Variants in ZNF517 observed in about 807,000 individuals in gnomAD.
ZNF517 encodes zinc finger protein 517.
In ZNF517, 12 loss-of-function variants were observed where a neutral mutation model predicts 12.1. The ratio of observed to expected loss-of-function variants is 0.99; its 90% CI spans 0.63 to 1.61. The LOEUF is 1.61. Ranked by LOEUF, ZNF517 falls within the 40% of genes most tolerant of loss-of-function variation. The pLI is 0.00. For synonymous variants in ZNF517, 388 were observed against 310.2 expected (o/e 1.25, Z -2.63); for missense variants, 781 against 693.2 (o/e 1.13, Z -1.42).
At chr8:144,802,787 C>A in intron 1 of ZNF517, 83 bp from the exon 2 acceptor site, 1 of 1,579,292 alleles carries the variant, frequency 6.3e-7, no homozygotes, top group Non-Finnish European at 8.6e-7. Context: ...CTCCTGCTCC[C>A]TTCTGGATCT....
At chr8:144,803,618 G>T (rs1241600264) in intron 2 of ZNF517, 23 bp from the exon 3 acceptor site, 2 of 1,613,620 alleles carry the variant, frequency 1.2e-6, no homozygotes, top group Non-Finnish European at 1.7e-6. Flanking sequence ...TGACTGCCTG[G>T]ATAGCAGAGT....
downstream of ZNF517, among the ~76,000 whole-genome samples, chr8:144,812,411 A>C (rs925304898): frequency 6.8e-6 from 1 of 147,986 alleles, no homozygotes; most frequent in Non-Finnish European, 1.5e-5. Context: ...GCAGAATGGA[A>C]GCAAAGGCTG....
At chr8:144,804,287 TG>T in intron 4 of ZNF517, 49 bp downstream of exon 4, 1 of 1,487,774 alleles carries the variant, frequency 6.7e-7, no homozygotes, top group South Asian at 1.2e-5. Flanking sequence ...CAATGTGGCC[TG>T]GCCTCCGGGC....
At position 144,803,074 on chromosome 8, in the gene ZNF517, C is replaced by T. The variant is rs535224380; in HGVS notation, c.33+127C>T. ...ACATCACAGGATGGAGTCTGCAAGC[C>T]GAGGACAGCCTCCTCGCTCTATGGC... On this transcript the variant is annotated intron_variant, in intron 2 of 4. Transcript: ENST00000359971. 368 of 1,222,826 alleles carry T rather than the reference C, an allele frequency of 3.0e-4. 2 individuals are homozygous for T. In the African/African-American group the frequency reaches 4.7e-3, roughly 16 times the overall value. 75.7% of individuals were successfully genotyped at this position (1,222,826 alleles called of 1,614,324 possible).
intron 1 of ZNF517, chr8:144,800,732 G>A: frequency 1.0e-6 from 1 of 979,024 alleles, no homozygotes; most frequent in Non-Finnish European, 1.2e-6. Flanking sequence ...GAATCTGTCT[G>A]ATCCACCCCC....
At position 144,807,705 on chromosome 8, in the gene ZNF517, C is replaced by T. The variant is rs781780699; in HGVS notation, c.789C>T (p.Cys263=). The part of the protein sequence containing the change: ...RVHTRERPYA[C]GECGKAFSRS... ...ACACCCGCGAGCGGCCCTACGCATG[C>T]GGCGAGTGCGGCAAGGCCTTCAGCC... Residue 263 remains cysteine (C), a synonymous_variant, in exon 5 of 5, where the codon TGC becomes TGT. Coordinates refer to ENST00000359971, the MANE Select transcript of ZNF517 (RefSeq NM_213605.3). 5.0e-6 allele frequency: 8 copies of T among 1,610,976 alleles called. No individual in the cohort carries two copies. Among genetic ancestry groups the T allele is most frequent in the East Asian group, 2.2e-5 (1 of 44,816 alleles).
chr8:144,800,352 T>G (rs1343793650), intron 1 of ZNF517: 1 of 388,964 alleles, frequency 2.6e-6, no homozygotes, highest in African/African-American at 2.2e-5. Context: ...TAAAAGCAGG[T>G]TTTTTTCCCC....
At position 144,803,662 on chromosome 8, in the gene ZNF517, G is replaced by C; in HGVS notation, c.55G>C (p.Val19Leu). 1 of 1,614,162 alleles carries C rather than the reference G, an allele frequency of 6.2e-7. No homozygotes were observed. Among genetic ancestry groups the C allele is most frequent in the Non-Finnish European group, 8.5e-7 (1 of 1,179,992 alleles). Residue 19 changes from valine to leucine, a missense_variant, in exon 3 of 5, where the codon GTG becomes CTG. Physicochemically the swap from Val to Leu is conservative, Grantham distance 32. Transcript: ENST00000359971. ...GPQEAVVFEDVAVYFTRIEWS... is the reference protein window; with the variant it reads ...GPQEAVVFEDLAVYFTRIEWS... ...GCAGGAGGCGGTTGTGTTCGAGGAT[G>C]TGGCTGTGTACTTCACAAGGATAGA...
At chr8:144,800,649 G>T (rs1293317993) in intron 1 of ZNF517, 4 of 985,276 alleles carry the variant, frequency 4.1e-6, no homozygotes, top group Non-Finnish European at 4.8e-6. Context: ...GTGAGTGGGG[G>T]CTGGGTGGGG....
intron 4 of ZNF517, among the ~76,000 whole-genome samples, chr8:144,805,383 A>T (rs763953936): frequency 2.6e-5 from 4 of 151,808 alleles, no homozygotes; most frequent in East Asian, 1.9e-4. Flanking sequence ...CAGGCTGGAG[A>T]GCAGTGGCGC....
chr8:144,808,229 C>T lies in ZNF517; in HGVS notation c.1313C>T (p.Thr438Met). 1 of 1,604,112 alleles carries T rather than the reference C, an allele frequency of 6.2e-7. No individual in the cohort carries two copies. Among genetic ancestry groups the T allele is most frequent in the Non-Finnish European group, 8.5e-7 (1 of 1,174,658 alleles). ...ECGKAFRRSY[T>M]LNEHYRLHSG... ...GGCAAGGCGTTCCGCAGGAGCTACA[C>T]GCTGAACGAGCACTACCGGCTCCAC... Residue 438 changes from threonine (T) to methionine (M), a missense_variant, in exon 5 of 5, where the codon ACG becomes ATG. Thr to Met is a moderately conservative substitution (Grantham distance 81). Transcript: ENST00000359971.
intron 4 of ZNF517, among the ~76,000 whole-genome samples, chr8:144,804,690 G>C (rs988141679): frequency 1.3e-5 from 2 of 152,108 alleles, no homozygotes; most frequent in Non-Finnish European, 2.9e-5. Flanking sequence ...TTATTTATTG[G>C]ATACAAGGCG....
In ZNF517 at chr8:144,802,812, G is replaced by C. The variant is rs117597411; in HGVS notation, c.-45-58G>C. 23 of 1,599,696 alleles carry C rather than the reference G, an allele frequency of 1.4e-5. No homozygotes were observed. In the South Asian group the frequency reaches 1.6e-4, roughly 11 times the overall value. On this transcript the variant is annotated intron_variant, in intron 1 of 4. Coordinates refer to ENST00000359971, the MANE Select transcript of ZNF517 (RefSeq NM_213605.3). The stretch of plus-strand genomic sequence containing the variant: ...CTTCTGGATCTGGAGGGGCCTTCTG[G>C]GGGGCTGGAGGGCCTTAGGCCTGGG...
intron 1 of ZNF517, among the ~76,000 whole-genome samples, chr8:144,801,997 C>T (rs537604019): frequency 2.8e-4 from 42 of 152,146 alleles, no homozygotes; most frequent in South Asian, 1.2e-3. Context: ...CACACCACTG[C>T]GCTCCAGCCT....
chr8:144,802,989 T>A, intron 2 of ZNF517, 42 bp downstream of exon 2: 3 of 1,612,662 alleles, frequency 1.9e-6, no homozygotes, highest in Non-Finnish European at 2.5e-6. Context: ...AGGAGACTGC[T>A]TCGCCCCTAG....
chr8:144,803,548 A>G (rs1827071288), intron 2 of ZNF517, 93 bp from the exon 3 acceptor site: 2 of 1,535,782 alleles, frequency 1.3e-6, no homozygotes, highest in Non-Finnish European at 1.8e-6. Context: ...GGCAGCAAGG[A>G]GAGAGGCCTC....
chr8:144,808,363 G>C lies in ZNF517; in HGVS notation c.1447G>C (p.Glu483Gln), dbSNP rs201885233. The change falls in exon 5 of 5, where the codon GAG becomes CAG. Residue 483 changes from glutamate to glutamine, a missense_variant. Coordinates refer to ENST00000359971, the MANE Select transcript of ZNF517 (RefSeq NM_213605.3). ...VHGREPGEDT[E>Q]GRRAPCWAS is the part of the protein sequence containing the mutation. ...CGGCCGCGAGCCCGGGGAGGACACA[G>C]AGGGCAGGCGGGCGCCCTGTTGGGC... 98 of 1,465,024 alleles carry C rather than the reference G, an allele frequency of 6.7e-5. No homozygotes were observed. In the African/African-American group the frequency reaches 1.2e-3, roughly 17 times the overall value. The allele number at this position is 1,465,024 out of a possible 1,614,324, so 90.8% of individuals were successfully genotyped here.
In ZNF517 at chr8:144,808,081, C is replaced by G; in HGVS notation, c.1165C>G (p.Leu389Val). 1.9e-6 allele frequency: 3 copies of G among 1,610,204 alleles called. No individual in the cohort carries two copies. The highest frequency in any genetic ancestry group is 2.5e-6 in the Non-Finnish European group (3 of 1,178,832). The change falls in exon 5 of 5, where the codon CTA (leucine) becomes GTA (valine). Residue 389 changes from leucine to valine, a missense_variant. Coordinates refer to ENST00000359971, the MANE Select transcript of ZNF517 (RefSeq NM_213605.3). ...HNSLLLLHLRLHTGEKPFECA... is the reference protein window; with the variant it reads ...HNSLLLLHLRVHTGEKPFECA... Reference sequence around the variant, plus strand: ...CTCCCTGCTGCTGCTGCACCTGCGCCTACACACGGGCGAGAAGCCGTTCGA... The same window carrying G: ...CTCCCTGCTGCTGCTGCACCTGCGCGTACACACGGGCGAGAAGCCGTTCGA...
intron 1 of ZNF517, among the ~76,000 whole-genome samples, chr8:144,801,243 C>G (rs1197395548): frequency 3.3e-5 from 5 of 152,184 alleles, no homozygotes; most frequent in African/African-American, 1.2e-4. Context: ...AGACCTTCAC[C>G]CAAACACAAG....
Sources: gnomAD v4.1 joint callset for allele counts (sites outside exome capture counted in the v4.1 genomes callset) on GRCh38, gnomAD v4.1.1 for gene constraint, MANE v1.5 for transcripts, NCBI Gene and HGNC (gene_info 2026-07-23, HGNC 2026-07-21) for gene names.